THSD4: variants seen among roughly 807,000 people sequenced by gnomAD.
THSD4 encodes the protein thrombospondin type-1 domain-containing protein 4.
Under a neutral mutation model 119.0 loss-of-function variants are expected in THSD4, and 69 were observed. That is an observed-to-expected ratio of 0.58 (90% CI 0.48 to 0.71). The LOEUF is 0.71. Ranked by LOEUF, THSD4 falls within the 30% of genes least tolerant of loss-of-function variation. The pLI is 0.00. For synonymous variants in THSD4, 524 were observed against 540.4 expected (o/e 0.97, Z 0.42); for missense variants, 1,393 against 1,391.1 (o/e 1.00, Z -0.02).
chr15:71,754,248 C>T (rs2053499612), intron 14 of THSD4, among the ~76,000 whole-genome samples: 1 of 151,910 alleles, frequency 6.6e-6, no homozygotes. Flanking sequence ...CACCATCATG[C>T]CCAGTTAATT....
intron 4 of THSD4, among the ~76,000 whole-genome samples, chr15:71,225,223 T>C (rs1227226656): frequency 2.0e-5 from 3 of 152,108 alleles, no homozygotes; most frequent in Non-Finnish European, 4.4e-5. Flanking sequence ...AGAGTGACAA[T>C]AATGAAGTTA....
chr15:71,728,704 A>G lies in THSD4; in HGVS notation c.1513A>G (p.Asn505Asp), dbSNP rs377144380. The G allele has an allele frequency of 6.2e-7, 1 of 1,614,072 alleles. No individual in the cohort carries two copies. The highest frequency in any genetic ancestry group is 1.3e-5 in the African/African-American group (1 of 74,944). ...GTCCTTTTTGGCGGAAGGTCCCACC[A>G]ACGAGATCTTGGATGTCTACGTGAG... ...GESFLAEGPT[N>D]EILDVYMIHQ... is the part of the protein sequence containing the mutation. Residue 505 changes from asparagine (N) to aspartate (D), a missense_variant, in exon 9 of 18, where the codon AAC becomes GAC. Physicochemically the swap from Asn to Asp is conservative, Grantham distance 23. Coordinates refer to ENST00000261862, the MANE Select transcript of THSD4 (RefSeq NM_024817.3).
At chr15:71,775,410 T>G (rs771765622) in intron 17 of THSD4, among the ~76,000 whole-genome samples, 18 of 152,060 alleles carry the variant, frequency 1.2e-4, no homozygotes, top group Non-Finnish European at 1.8e-4. Flanking sequence ...CATAGAAAAA[T>G]CTGACAACCT....
At chr15:71,360,861 A>G (rs2045884932) in intron 6 of THSD4, among the ~76,000 whole-genome samples, 1 of 152,194 alleles carries the variant, frequency 6.6e-6, no homozygotes, top group Non-Finnish European at 1.5e-5. Context: ...TAAAGAGCCT[A>G]TGGTTTAACA....
intron 7 of THSD4, among the ~76,000 whole-genome samples, chr15:71,652,907 G>A (rs2051120175): frequency 6.6e-6 from 1 of 152,162 alleles, no homozygotes; most frequent in African/African-American, 2.4e-5. Context: ...GATCTTCATT[G>A]ATTCCTGTTT....
intron 6 of THSD4, among the ~76,000 whole-genome samples, chr15:71,265,605 A>G (rs547168787): frequency 5.7e-4 from 86 of 152,080 alleles, no homozygotes; most frequent in South Asian, 1.2e-3. Flanking sequence ...AGTGAGACAA[A>G]ACTGTTCACT....
intron 7 of THSD4, among the ~76,000 whole-genome samples, chr15:71,488,485 T>G (rs538860388): frequency 6.6e-6 from 1 of 152,204 alleles, no homozygotes; most frequent in Admixed American, 6.5e-5. Context: ...TTAAATAAGT[T>G]TGAGATTTCC....
intron 8 of THSD4, among the ~76,000 whole-genome samples, chr15:71,704,072 T>A (rs887080845): frequency 6.6e-6 from 1 of 152,116 alleles, no homozygotes; most frequent in African/African-American, 2.4e-5. Context: ...ATGGTCTCAA[T>A]CTCCTGACCT....
chr15:71,173,567 C>T (rs1385663588), intron 3 of THSD4, among the ~76,000 whole-genome samples: 38 of 145,956 alleles, frequency 2.6e-4, no homozygotes, highest in African/African-American at 9.1e-4. Flanking sequence ...CACACACACA[C>T]ATATATATAT....
At chr15:71,352,478 CTG>C (rs1364479916) in intron 6 of THSD4, among the ~76,000 whole-genome samples, 1 of 152,192 alleles carries the variant, frequency 6.6e-6, no homozygotes, top group Non-Finnish European at 1.5e-5. Context: ...GCAGGCATTA[CTG>C]TGTATGCTGG....
At chr15:71,721,592 C>T (rs1345267729) in intron 8 of THSD4, among the ~76,000 whole-genome samples, 1 of 151,984 alleles carries the variant, frequency 6.6e-6, no homozygotes, top group African/African-American at 2.4e-5. Context: ...ATCATTTGAA[C>T]CCAGGAGACA....
At chr15:71,709,036 T>C (rs2052453187) in intron 8 of THSD4, among the ~76,000 whole-genome samples, 1 of 152,148 alleles carries the variant, frequency 6.6e-6, no homozygotes. Flanking sequence ...TAGAGTCGCG[T>C]GGTGTACAGA....
Position 71,267,256 on chromosome 15 carries a change from G to A in THSD4, c.1015+10541G>A, listed in dbSNP as rs367584351. ...AAGGGAAGCCCATCAGGCTAACAGC[G>A]GATCTTTCTGCAGAAACCCTACAAG... On this transcript the variant is annotated intron_variant, in intron 6 of 17. Transcript: ENST00000261862. Among the ~76,000 whole-genome samples the A allele has an allele frequency of 1.5e-3, 232 of 152,316 alleles. 12 individuals are homozygous for A. The South Asian group carries it at 0.045, about 29-fold the overall frequency.
At chr15:71,111,707 G>A, upstream of THSD4, 1 of 532,034 alleles carries the variant, frequency 1.9e-6, no homozygotes, top group Non-Finnish European at 3.3e-6. Flanking sequence ...TTAGGGGTTT[G>A]AATGTAGGTC....
At chr15:71,402,344 T>A (rs1361840498) in intron 6 of THSD4, among the ~76,000 whole-genome samples, 3 of 152,134 alleles carry the variant, frequency 2.0e-5, no homozygotes, top group African/African-American at 7.2e-5. Context: ...GTAATTTAGC[T>A]TAGATTAATA....
intron 4 of THSD4, among the ~76,000 whole-genome samples, chr15:71,223,231 G>A (rs2043989512): frequency 6.6e-6 from 1 of 152,196 alleles, no homozygotes; most frequent in African/African-American, 2.4e-5. Flanking sequence ...TCACGCAGAA[G>A]GCAAGCAAGA....
At position 71,631,180 on chromosome 15, in the gene THSD4, C is replaced by A. The variant is rs547415185; in HGVS notation, c.1153-29350C>A. ...ACAGTAGGATCACCTGGGAAACATT[C>A]AACAAGTTGTCATGGCCAGGCCTGT... On this transcript the variant is annotated intron_variant, in intron 7 of 17. Transcript: ENST00000261862. Among the ~76,000 whole-genome samples the A allele has an allele frequency of 3.3e-5, 5 of 152,304 alleles. 1 individual carries two copies. The South Asian group carries it at 1.0e-3, about 32-fold the overall frequency.
At chr15:71,595,475 C>T (rs563295401) in intron 7 of THSD4, among the ~76,000 whole-genome samples, 2 of 152,178 alleles carry the variant, frequency 1.3e-5, no homozygotes, top group Non-Finnish European at 2.9e-5. Flanking sequence ...GTAAGAAGTG[C>T]CTTTCGCCTC....
intron 3 of THSD4, among the ~76,000 whole-genome samples, chr15:71,207,746 CCTT>C (rs1392642717): frequency 6.6e-6 from 1 of 152,112 alleles, no homozygotes; most frequent in Non-Finnish European, 1.5e-5. Context: ...GTTGTACGCT[CCTT>C]ATGAGAATCT....
Sources: gnomAD v4.1 joint callset for allele counts (sites outside exome capture counted in the v4.1 genomes callset) on GRCh38, gnomAD v4.1.1 for gene constraint, MANE v1.5 for transcripts, NCBI Gene and HGNC (gene_info 2026-07-23, HGNC 2026-07-21) for gene names.